OPN5: variants seen among roughly 807,000 people sequenced by gnomAD.
OPN5 encodes opsin-5.
OPN5 carries 18 observed loss-of-function variants against 41.7 expected under a neutral mutation model. The ratio of observed to expected loss-of-function variants is 0.43; its 90% CI spans 0.30 to 0.64. The LOEUF is 0.64. Among genes scored for constraint, OPN5 ranks in the 30% least tolerant of loss-of-function variants. The pLI is 0.13. For missense variants in OPN5, 318 were observed against 434.5 expected (o/e 0.73, Z 2.38); for synonymous variants, 178 against 164.3 (o/e 1.08, Z -0.64).
chr6:47,825,980 G>C (rs1405716894), downstream of OPN5: 1 of 152,082 alleles, frequency 6.6e-6, no homozygotes, highest in Non-Finnish European at 1.5e-5. Flanking sequence ...TTCTCTTAGA[G>C]TTTGGTGTAT....
At chr6:47,790,511 C>G (rs2113954730) in intron 2 of OPN5, among the ~76,000 whole-genome samples, 1 of 152,300 alleles carries the variant, frequency 6.6e-6, no homozygotes, top group East Asian at 1.9e-4. Context: ...CTCCCTCCTT[C>G]ACCTCCCCCA....
intron 6 of OPN5, 87 bp downstream of exon 6, chr6:47,811,818 C>T (rs902334597): frequency 2.5e-6 from 2 of 815,412 alleles, no homozygotes; most frequent in East Asian, 2.6e-5. Context: ...TGTGGCCACA[C>T]TTTTGTCTTT....
At chr6:47,820,740 G>A (rs1762597325) in intron 6 of OPN5, among the ~76,000 whole-genome samples, 1 of 152,050 alleles carries the variant, frequency 6.6e-6, no homozygotes, top group Admixed American at 6.6e-5. Context: ...ATGAAAATAG[G>A]TCATGGTGTA....
intron 6 of OPN5, among the ~76,000 whole-genome samples, chr6:47,819,354 A>ATATCTATATATATATATATATATATAT (rs1389298718): frequency 1.7e-5 from 1 of 59,042 alleles, no homozygotes; most frequent in Non-Finnish European, 3.5e-5. Flanking sequence ...TATATATATA[A>ATATCTATATATATATATATATATATAT]AAAATATATT....
In OPN5 at chr6:47,792,846, T is replaced by C. The variant is rs558900539; in HGVS notation, c.421+874T>C. 1.4e-4 allele frequency among the ~76,000 whole-genome samples: 21 copies of C among 152,232 alleles called. 1 individual carries two copies. The South Asian group carries it at 3.9e-3, about 29-fold the overall frequency. ...GGAGACTGAGGTGGGAAAAATCAAGTTGACCTGACACTGTCAATGTGGTAG... is the reference window on the plus strand; with the variant it reads ...GGAGACTGAGGTGGGAAAAATCAAGCTGACCTGACACTGTCAATGTGGTAG... On this transcript the variant is annotated intron_variant, in intron 3 of 6. Transcript: ENST00000371211.
intron 2 of OPN5, among the ~76,000 whole-genome samples, chr6:47,788,628 A>AT (rs1057457320): frequency 1.3e-5 from 2 of 151,708 alleles, no homozygotes; most frequent in South Asian, 2.1e-4. Flanking sequence ...TGCCTGCTTT[A>AT]TTTTTTTCTG....
intron 1 of OPN5, among the ~76,000 whole-genome samples, chr6:47,784,978 A>G (rs1334219714): frequency 6.6e-6 from 1 of 152,228 alleles, no homozygotes; most frequent in Non-Finnish European, 1.5e-5. Flanking sequence ...AGAATAATTT[A>G]CATGCAATGA....
intron 1 of OPN5, among the ~76,000 whole-genome samples, chr6:47,782,898 C>A (rs1048566019): frequency 6.6e-6 from 1 of 152,176 alleles, no homozygotes; most frequent in Non-Finnish European, 1.5e-5. Context: ...TAAATACTCA[C>A]CAGATACTGA....
intron 5 of OPN5, among the ~76,000 whole-genome samples, chr6:47,810,589 G>A (rs1464523842): frequency 6.6e-6 from 1 of 152,074 alleles, no homozygotes; most frequent in African/African-American, 2.4e-5. Context: ...CTTATAAGGG[G>A]ACACCCTCTT....
At chr6:47,813,110 C>CAAAAA (rs1189106345) in intron 6 of OPN5, among the ~76,000 whole-genome samples, 5 of 114,436 alleles carry the variant, frequency 4.4e-5, no homozygotes, top group African/African-American at 1.2e-4. Flanking sequence ...ACAACAACAA[C>CAAAAA]AACAAGCAAC....
intron 2 of OPN5, among the ~76,000 whole-genome samples, chr6:47,791,364 T>A (rs1773364516): frequency 6.6e-6 from 1 of 152,092 alleles, no homozygotes; most frequent in South Asian, 2.1e-4. Context: ...AAAGTTGTGC[T>A]TGAAGAGTGT....
At chr6:47,811,181 G>A (rs1414942884) in intron 5 of OPN5, among the ~76,000 whole-genome samples, 1 of 152,086 alleles carries the variant, frequency 6.6e-6, no homozygotes, top group Non-Finnish European at 1.5e-5. Context: ...AGGCACTGGG[G>A]GTTCGAACAT....
At chr6:47,792,155 A>T (rs1158766178) in intron 3 of OPN5, among the ~76,000 whole-genome samples, 183 bp downstream of exon 3, 2 of 152,238 alleles carry the variant, frequency 1.3e-5, no homozygotes, top group Non-Finnish European at 2.9e-5. Flanking sequence ...ATGTCAAAGT[A>T]GATTTCTTTT....
chr6:47,820,351 A>G (rs73473762), intron 6 of OPN5, among the ~76,000 whole-genome samples: 20,079 of 152,200 alleles, frequency 0.13, 1,436 homozygotes, highest in Middle Eastern at 0.16. Flanking sequence ...GTCAATGGAA[A>G]AGCTGGAATT....
At chr6:47,805,723 A>T (rs930460208) in intron 4 of OPN5, among the ~76,000 whole-genome samples, 4 of 152,206 alleles carry the variant, frequency 2.6e-5, no homozygotes, top group African/African-American at 9.7e-5. Flanking sequence ...TGTCTAAAAC[A>T]AAAAAGGCAT....
intron 2 of OPN5, 39 bp downstream of exon 2, chr6:47,786,673 C>T: frequency 6.3e-7 from 1 of 1,594,312 alleles, no homozygotes. Context: ...TGGGTTTAAA[C>T]TACTCCCCAT....
chr6:47,824,462 T>A (rs932025031), exon 7 of OPN5: 1 of 163,814 alleles, frequency 6.1e-6, no homozygotes, highest in Non-Finnish European at 1.3e-5. Flanking sequence ...TTTTTATGAC[T>A]GGCAAAGCAG....
chr6:47,809,237 C>A (rs1010408721), intron 5 of OPN5, among the ~76,000 whole-genome samples: 2 of 152,082 alleles, frequency 1.3e-5, no homozygotes, highest in Admixed American at 6.6e-5. Flanking sequence ...GTTGAGATGG[C>A]CCCTGGTCTC....
chr6:47,824,824 T>A (rs80129069), downstream of OPN5: 1 of 139,174 alleles, frequency 7.2e-6, no homozygotes, highest in Non-Finnish European at 1.6e-5. Context: ...CCTGAATCAA[T>A]TTTTTTTTTT....
Sources: gnomAD v4.1 joint callset for allele counts (sites outside exome capture counted in the v4.1 genomes callset) on GRCh38, gnomAD v4.1.1 for gene constraint, MANE v1.5 for transcripts, NCBI Gene and HGNC (gene_info 2026-07-23, HGNC 2026-07-21) for gene names.